SMC4: variants seen among roughly 807,000 people sequenced by gnomAD.
SMC4 encodes the protein structural maintenance of chromosomes 4, also known as structural maintenance of chromosomes protein 4.
Under a neutral mutation model 145.6 loss-of-function variants are expected in SMC4, and 87 were observed. That is an observed-to-expected ratio of 0.60 (90% CI 0.50 to 0.71). SMC4 has a LOEUF of 0.71. Among genes scored for constraint, SMC4 ranks in the 30% least tolerant of loss-of-function variants. SMC4 has a pLI of 0.00. For missense variants in SMC4, 1,447 were observed against 1,537.1 expected, an observed-to-expected ratio of 0.94 and a Z score of 0.98; for synonymous variants, 558 against 500.7, an observed-to-expected ratio of 1.11 and a Z score of -1.53.
intron 4 of SMC4, 25 bp from the exon 5 acceptor site, chr3:160,404,303 C>A: frequency 6.3e-7 from 1 of 1,583,340 alleles, no homozygotes; most frequent in Non-Finnish European, 8.5e-7. Context: ...CAATTGTTTT[C>A]TGGTTTTGTT....
Position 160,423,663 on chromosome 3 carries a change from T to A in SMC4, c.2245+13T>A. The A allele has an allele frequency of 6.2e-7, 1 of 1,602,720 alleles. No individual in the cohort carries two copies. Among genetic ancestry groups the A allele is most frequent in the Non-Finnish European group, 8.5e-7 (1 of 1,174,086 alleles). On this transcript the variant is annotated intron_variant, in intron 14 of 23. Coordinates refer to ENST00000357388, the MANE Select transcript of SMC4 (RefSeq NM_001002800.3). Reference sequence around the variant, plus strand: ...ATAGAACAGTCAGGTAATAGTGTTTTTGTTTCTTGGTTTGTTTTTTTTTCC... The same window carrying A: ...ATAGAACAGTCAGGTAATAGTGTTTATGTTTCTTGGTTTGTTTTTTTTTCC...
rs756428623 is a variant in SMC4 at position 160,414,517 on chromosome 3, G to C, written c.1272G>C (p.Lys424Asn). 3.1e-6 allele frequency: 5 copies of C among 1,610,194 alleles called. No individual in the cohort carries two copies. The highest frequency in any genetic ancestry group is 4.2e-6 in the Non-Finnish European group (5 of 1,178,536). Reference sequence around the variant, plus strand: ...AACAACTTCAAAAAGATAAAGAAAAGGTAGGTGTTAGAAAAAAATTCTTAA... The same window carrying C: ...AACAACTTCAAAAAGATAAAGAAAACGTAGGTGTTAGAAAAAAATTCTTAA... ...LEKQLQKDKE[K>N]VEEFKSIPAK... Residue 424 changes from lysine (K) to asparagine (N), a missense_variant and splice_region_variant, in exon 9 of 24, where the codon AAG (lysine) becomes AAC (asparagine). Transcript: ENST00000357388.
chr3:160,411,907 CT>C lies in SMC4; in HGVS notation c.688-5del, dbSNP rs768607991. 10 of 1,607,524 alleles carry C rather than the reference CT, an allele frequency of 6.2e-6. No individual in the cohort carries two copies. The highest frequency in any genetic ancestry group is 3.4e-5 in the Admixed American group (2 of 59,280). On this transcript the variant is annotated splice_polypyrimidine_tract_variant and intron_variant, in intron 5 of 23. Coordinates refer to ENST00000357388, the MANE Select transcript of SMC4 (RefSeq NM_001002800.3). The stretch of plus-strand genomic sequence containing the variant: ...CATACACAGTGAGTATGAAATATAA[CT>C]TTTTTTTAAAGGGTGAAGTTGAACA...
At chr3:160,422,951 A>C (rs979781309) in intron 13 of SMC4, among the ~76,000 whole-genome samples, 3 of 152,114 alleles carry the variant, frequency 2.0e-5, no homozygotes, top group African/African-American at 7.2e-5. Context: ...AAACCACCCA[A>C]CCATTAATGT....
Position 160,428,895 on chromosome 3 carries a change from T to C in SMC4, c.2748T>C (p.Cys916=). The C allele has an allele frequency of 6.2e-7, 1 of 1,601,922 alleles. No individual in the cohort carries two copies. The highest frequency in any genetic ancestry group is 8.5e-7 in the Non-Finnish European group (1 of 1,177,486). ...LDKINKQLDE[C]ASAITKAQVA... is the part of the protein sequence containing the mutation. ...AAATAAATAAGCAATTAGATGAATG[T>C]GCTTCTGCTATTACTAAAGCCCAAG... The change falls in exon 18 of 24, where the codon TGT becomes TGC. Residue 916 remains cysteine, a synonymous_variant. Transcript: ENST00000357388.
chr3:160,404,549 T>A (rs371812029), intron 5 of SMC4, 45 bp downstream of exon 5: 23 of 1,584,152 alleles, frequency 1.5e-5, no homozygotes, highest in Non-Finnish European at 1.8e-5. Flanking sequence ...TCTTGTTACT[T>A]TTTTTTCTAT....
At chr3:160,414,311 G>T in intron 8 of SMC4, 56 bp from the exon 9 acceptor site, 1 of 1,418,470 alleles carries the variant, frequency 7.0e-7, no homozygotes, top group Non-Finnish European at 9.9e-7. Flanking sequence ...AGGAAATGTG[G>T]TTTTAAAATA....
intron 4 of SMC4, 26 bp downstream of exon 4, chr3:160,402,893 A>G: frequency 6.8e-7 from 1 of 1,479,458 alleles, no homozygotes; most frequent in Non-Finnish European, 9.0e-7. Context: ...TGTTATTGGC[A>G]AGTTCAAGTA....
At chr3:160,430,849 A>C in intron 19 of SMC4, 106 bp downstream of exon 19, 1 of 1,331,934 alleles carries the variant, frequency 7.5e-7, no homozygotes, top group South Asian at 1.5e-5. Context: ...CATAGACTTA[A>C]AGTTTTATAA....
chr3:160,403,399 C>G (rs1344708973), intron 4 of SMC4, among the ~76,000 whole-genome samples: 1 of 152,052 alleles, frequency 6.6e-6, no homozygotes, highest in Non-Finnish European at 1.5e-5. Flanking sequence ...ATGGAGACAA[C>G]TAGAGGTAAA....
intron 8 of SMC4, 110 bp downstream of exon 8, chr3:160,413,723 ATCAAG>A: frequency 4.6e-6 from 3 of 648,772 alleles, no homozygotes; most frequent in Non-Finnish European, 4.8e-6. Context: ...TTGCCAGCAT[ATCAAG>A]TGGTGGCCCC....
chr3:160,401,827 G>A, intron 2 of SMC4, 88 bp from the exon 3 acceptor site: 1 of 940,782 alleles, frequency 1.1e-6, no homozygotes, highest in Non-Finnish European at 1.6e-6. Context: ...TTAAAGATGG[G>A]CAGTCATTAG....
chr3:160,417,639 T>A (rs1043005540), intron 10 of SMC4, 84 bp from the exon 11 acceptor site: 3 of 1,070,766 alleles, frequency 2.8e-6, no homozygotes, highest in Non-Finnish European at 4.1e-6. Flanking sequence ...CTTTCTTAAA[T>A]CGAATATAAA....
chr3:160,407,634 G>T (rs1715489426), intron 5 of SMC4, among the ~76,000 whole-genome samples: 1 of 150,208 alleles, frequency 6.7e-6, no homozygotes, highest in Admixed American at 6.6e-5. Context: ...CTGAGTTGTT[G>T]CCTAGCCATC....
In SMC4 at chr3:160,423,558, C is replaced by G; in HGVS notation, c.2153C>G (p.Ala718Gly). ...FYFALRDTLV[A>G]DNLDQATRVA... ...TTTGCTTTACGAGATACCTTAGTAG[C>G]TGACAACTTGGATCAAGCCACAAGA... The change falls in exon 14 of 24, where the codon GCT (alanine) becomes GGT (glycine). Residue 718 changes from alanine to glycine, a missense_variant. Coordinates refer to ENST00000357388, the MANE Select transcript of SMC4 (RefSeq NM_001002800.3). 1 of 1,613,726 alleles carries G rather than the reference C, an allele frequency of 6.2e-7. No individual in the cohort carries two copies. Among genetic ancestry groups the G allele is most frequent in the Non-Finnish European group, 8.5e-7 (1 of 1,179,872 alleles).
chr3:160,417,325 C>T (rs1030879560), intron 10 of SMC4, among the ~76,000 whole-genome samples: 4 of 152,038 alleles, frequency 2.6e-5, no homozygotes, highest in Non-Finnish European at 5.9e-5. Flanking sequence ...GTTAGAATAC[C>T]TGTGTGATAA....
At chr3:160,403,024 G>A (rs561192386) in intron 4 of SMC4, among the ~76,000 whole-genome samples, 157 bp downstream of exon 4, 1 of 152,086 alleles carries the variant, frequency 6.6e-6, no homozygotes, top group Admixed American at 6.5e-5. Flanking sequence ...GGGGAGTGGT[G>A]GTGCCTGTTA....
In SMC4 at chr3:160,401,899, C is replaced by G; in HGVS notation, c.140-16C>G. On this transcript the variant is annotated splice_polypyrimidine_tract_variant and intron_variant, in intron 2 of 23. Coordinates refer to ENST00000357388, the MANE Select transcript of SMC4 (RefSeq NM_001002800.3). Reference sequence around the variant, plus strand: ...CCGCCGTTTGCCTTCGTTTTCCTTTCCTTTCACTGACTTAGAGACTGCAAG... The same window carrying G: ...CCGCCGTTTGCCTTCGTTTTCCTTTGCTTTCACTGACTTAGAGACTGCAAG... 1 of 1,544,834 alleles carries G rather than the reference C, an allele frequency of 6.5e-7. No homozygotes were observed.
At chr3:160,402,237 TCA>T (rs3830324) in intron 3 of SMC4, 144 bp downstream of exon 3, 597 of 430,786 alleles carry the variant, frequency 1.4e-3, no homozygotes, top group South Asian at 3.0e-3. Context: ...TCTCTCTCTC[TCA>T]CACACACACA....
Sources: gnomAD v4.1 joint callset for allele counts (sites outside exome capture counted in the v4.1 genomes callset) on GRCh38, gnomAD v4.1.1 for gene constraint, MANE v1.5 for transcripts, NCBI Gene and HGNC (gene_info 2026-07-23, HGNC 2026-07-21) for gene names.